Variants in DPF1 observed in about 807,000 individuals in gnomAD.
DPF1 encodes zinc finger protein neuro-d4.
DPF1 carries 14 observed loss-of-function variants against 58.7 expected under a neutral mutation model. The observed-to-expected ratio is 0.24, with a 90% CI of 0.16 to 0.37. DPF1 has a LOEUF of 0.37. Among genes scored for constraint, DPF1 ranks in the 10% least tolerant of loss-of-function variants. DPF1 has a pLI of 1.00. For synonymous variants in DPF1, 216 were observed against 216.0 expected, an observed-to-expected ratio of 1.00 and a Z score of 0.00; for missense variants, 345 against 529.9, an observed-to-expected ratio of 0.65 and a Z score of 3.43.
Position 38,212,137 on chromosome 19 carries a change from C to CG in DPF1, c.1094-5dup, listed in dbSNP as rs2146103660. 5 of 1,606,000 alleles carry CG rather than the reference C, an allele frequency of 3.1e-6. No individual in the cohort carries two copies. The highest frequency in any genetic ancestry group is 4.2e-6 in the Non-Finnish European group (5 of 1,177,752). Reference sequence around the variant, plus strand: ...CAGAGGTGACAGCTCCAGCTCCCTGCGGGGGCAGCCGAAGCTGAAGTCAGG... The same window carrying CG: ...CAGAGGTGACAGCTCCAGCTCCCTGCGGGGGGCAGCCGAAGCTGAAGTCAGG... On this transcript the variant is annotated splice_polypyrimidine_tract_variant and splice_region_variant and intron_variant, in intron 11 of 11. Coordinates refer to ENST00000355526, the MANE Select transcript of DPF1 (RefSeq NM_001135155.3).
intron 3 of DPF1, among the ~76,000 whole-genome samples, chr19:38,220,239 AGAAG>A (rs1310744647): frequency 2.0e-5 from 3 of 151,324 alleles, no homozygotes; most frequent in South Asian, 4.2e-4. Context: ...AAAGAAAGAA[AGAAG>A]GAAGGAAAGA....
chr19:38,227,829 C>T (rs1329183824), upstream of DPF1: 1 of 152,342 alleles, frequency 6.6e-6, no homozygotes. Flanking sequence ...GCTCCTTCTC[C>T]CCAGGGGATT....
chr19:38,222,833 A>C lies in DPF1; in HGVS notation c.30-125T>G. On this transcript the variant is annotated intron_variant, in intron 1 of 11. Coordinates refer to ENST00000355526, the MANE Select transcript of DPF1 (RefSeq NM_001135155.3). The surrounding 1 kb of genome is among the most constrained non-coding windows in gnomAD (Gnocchi z 4.9). ...GGGGTGGGCCGACCCCTCCAGCCTC[A>C]CCTCTCCCCTCCTCCCACTCCGGGA... The C allele has an allele frequency of 7.7e-7, 1 of 1,295,614 alleles. No individual in the cohort carries two copies. Among genetic ancestry groups the C allele is most frequent in the Non-Finnish European group, 1.0e-6 (1 of 992,532 alleles). 80.3% of individuals were successfully genotyped at this position (1,295,614 alleles called of 1,614,324 possible). A position where few individuals can be genotyped will look rare whatever the true frequency, so the allele number is the denominator to read the frequency against.
At chr19:38,215,429 G>A (rs1237444758) in intron 9 of DPF1, among the ~76,000 whole-genome samples, 1 of 152,036 alleles carries the variant, frequency 6.6e-6, no homozygotes, top group Non-Finnish European at 1.5e-5. Flanking sequence ...GGAGGCGGAG[G>A]TTGCAGTGAG....
At chr19:38,227,618 C>G (rs1967885427), upstream of DPF1, among the ~76,000 whole-genome samples, 1 of 152,184 alleles carries the variant, frequency 6.6e-6, no homozygotes, top group African/African-American at 2.4e-5. Flanking sequence ...ATAATAATCA[C>G]TACATTTGGT....
rs781466421 is a variant in DPF1, at chr19:38,222,476, G to C, written c.191-12C>G. ...TCCCGGGGCCAAACCTGGAGAGAGA[G>C]GGGGGTGAGAGGGCGGCGGCGGTGG... On this transcript the variant is annotated splice_polypyrimidine_tract_variant and intron_variant, in intron 2 of 11. Transcript: ENST00000355526. This position sits in a 1 kb window ranked among gnomAD's most constrained non-coding sequence, Gnocchi z 4.9. 52 of 1,582,224 alleles carry C rather than the reference G, an allele frequency of 3.3e-5. No individual in the cohort carries two copies. The highest frequency in any genetic ancestry group is 9.8e-5 in the African/African-American group (7 of 71,706).
chr19:38,215,611 T>C (rs1966960647), intron 9 of DPF1, among the ~76,000 whole-genome samples: 1 of 152,120 alleles, frequency 6.6e-6, no homozygotes, highest in African/African-American at 2.4e-5. Context: ...CTAACTTTTT[T>C]TATATATAGA....
At chr19:38,220,167 GA>G (rs1265689320) in intron 3 of DPF1, among the ~76,000 whole-genome samples, 46 of 118,168 alleles carry the variant, frequency 3.9e-4, no homozygotes, top group East Asian at 7.5e-4. Flanking sequence ...CAAACTGGGT[GA>G]AAAAAAAAAA....
upstream of DPF1, among the ~76,000 whole-genome samples, chr19:38,226,237 C>T (rs1245556049): frequency 2.0e-5 from 3 of 148,470 alleles, no homozygotes; most frequent in African/African-American, 5.0e-5. Context: ...ACCACCACCC[C>T]GTCCCCCCTC....
intron 3 of DPF1, among the ~76,000 whole-genome samples, chr19:38,220,214 AAAAG>A (rs939176383): frequency 3.2e-4 from 49 of 151,338 alleles, no homozygotes; most frequent in East Asian, 3.9e-4. Flanking sequence ...AAAGAAAAGA[AAAAG>A]AAAGAGAGAG....
At chr19:38,216,530 C>A in intron 7 of DPF1, 127 bp from the exon 8 acceptor site, 1 of 1,155,910 alleles carries the variant, frequency 8.7e-7, no homozygotes, top group Non-Finnish European at 1.2e-6. Flanking sequence ...AGTAGCTACC[C>A]CAAGCTGTGG....
Position 38,224,165 on chromosome 19 carries a change from C to T in DPF1, c.-23G>A. ...CATCTTGCTCCCCGGGTCCTGCCCCCAGCAGGTCCCCGCCGGGTCGGTCCT... is the reference window on the plus strand; with the variant it reads ...CATCTTGCTCCCCGGGTCCTGCCCCTAGCAGGTCCCCGCCGGGTCGGTCCT... On this transcript the variant is annotated 5_prime_UTR_variant, in exon 1 of 12. Coordinates refer to ENST00000355526, the MANE Select transcript of DPF1 (RefSeq NM_001135155.3). The surrounding 1 kb of genome is among the most constrained non-coding windows in gnomAD (Gnocchi z 4.5). 1 of 1,448,078 alleles carries T rather than the reference C, an allele frequency of 6.9e-7. No individual in the cohort carries two copies. The highest frequency in any genetic ancestry group is 9.1e-7 in the Non-Finnish European group (1 of 1,103,264). The allele number at this position is 1,448,078 out of a possible 1,614,324, so 89.7% of individuals were successfully genotyped here. A position where few individuals can be genotyped will look rare whatever the true frequency, so the allele number is the denominator to read the frequency against.
chr19:38,213,207 T>C (rs541812256), intron 10 of DPF1, among the ~76,000 whole-genome samples: 41 of 152,194 alleles, frequency 2.7e-4, no homozygotes, highest in African/African-American at 8.7e-4. Flanking sequence ...ACTCCTGATC[T>C]CAGGTGGTCC....
chr19:38,217,213 CT>C (rs1382041182), intron 7 of DPF1, among the ~76,000 whole-genome samples: 3 of 152,198 alleles, frequency 2.0e-5, no homozygotes, highest in African/African-American at 7.2e-5. Flanking sequence ...ATCACCCCCC[CT>C]CCCCAAGCTC....
At chr19:38,212,428 T>A in intron 10 of DPF1, 67 bp from the exon 11 acceptor site, 1 of 192,024 alleles carries the variant, frequency 5.2e-6, no homozygotes. Flanking sequence ...GGTGGGGGGC[T>A]GGGGCAGGGG....
upstream of DPF1, among the ~76,000 whole-genome samples, chr19:38,227,430 C>G (rs1385757759): frequency 6.6e-6 from 1 of 151,968 alleles, no homozygotes; most frequent in African/African-American, 2.4e-5. Flanking sequence ...AGCGGGCTCT[C>G]CTTTCTTTCC....
chr19:38,213,791 TCAC>T, intron 9 of DPF1, 35 bp from the exon 10 acceptor site: 1 of 1,572,418 alleles, frequency 6.4e-7, no homozygotes, highest in South Asian at 1.1e-5. Context: ...AGTTAGGAGG[TCAC>T]CGTGCCCCTG....
At chr19:38,219,364 A>C (rs1049944792) in intron 3 of DPF1, 2 of 389,508 alleles carry the variant, frequency 5.1e-6, no homozygotes, top group Non-Finnish European at 4.7e-6. Flanking sequence ...ACTCTCAAAC[A>C]TACCCAGACA....
chr19:38,218,084 C>T (rs1967172893), intron 5 of DPF1, among the ~76,000 whole-genome samples: 1 of 152,158 alleles, frequency 6.6e-6, no homozygotes, highest in African/African-American at 2.4e-5. Flanking sequence ...TGCCTGTAGT[C>T]CCAGCTACTC....
Sources: gnomAD v4.1 joint callset for allele counts (sites outside exome capture counted in the v4.1 genomes callset) on GRCh38, gnomAD v4.1.1 for gene constraint, Gnocchi (gnomAD v3.1) non-coding constraint, MANE v1.5 for transcripts, NCBI Gene and HGNC (gene_info 2026-07-23, HGNC 2026-07-21) for gene names.